PTPRD: variants seen among roughly 807,000 people sequenced by gnomAD.
PTPRD encodes the protein receptor-type tyrosine-protein phosphatase delta.
A neutral mutation model predicts 214.5 loss-of-function variants in PTPRD; 34 were observed. That is an observed-to-expected ratio of 0.16 (90% CI 0.12 to 0.21). The LOEUF (loss-of-function observed/expected upper bound fraction) is 0.21. Ranked by LOEUF, PTPRD falls within the 10% of genes least tolerant of loss-of-function variation. The pLI, the probability that PTPRD is intolerant of heterozygous loss-of-function variation, is 1.00. For synonymous variants in PTPRD, 1,128 were observed against 845.7 expected (o/e 1.33, Z -5.79); for missense variants, 2,545 against 2,398.7 (o/e 1.06, Z -1.27).
In PTPRD at chr9:9,909,574, C is replaced by A. The variant is rs2078592221; in HGVS notation, c.-368+28933G>T. 2.0e-5 allele frequency among the ~76,000 whole-genome samples: 3 copies of A among 151,818 alleles called. No individual in the cohort carries two copies. In the South Asian group the frequency reaches 6.2e-4, roughly 32 times the overall value. On this transcript the variant is annotated intron_variant, in intron 5 of 45. Transcript: ENST00000381196. ...TATTATTAGGCACTATCTTAGACAT[C>A]ACTGTAAAATGTATAAAATATGGGG... is the stretch of plus-strand genomic sequence containing the variant.
intron 8 of PTPRD, among the ~76,000 whole-genome samples, chr9:9,425,693 T>C (rs964501350): frequency 1.3e-5 from 2 of 151,868 alleles, no homozygotes; most frequent in South Asian, 4.1e-4. Flanking sequence ...TTAACAATGA[T>C]GCAGATATAG....
chr9:9,906,307 C>T (rs376639192), intron 5 of PTPRD, among the ~76,000 whole-genome samples: 9 of 151,976 alleles, frequency 5.9e-5, no homozygotes, highest in South Asian at 4.2e-4. Flanking sequence ...CTTTTTTGTA[C>T]GTATGTGATA....
intron 8 of PTPRD, among the ~76,000 whole-genome samples, chr9:9,405,531 G>A (rs564087018): frequency 5.9e-5 from 9 of 152,154 alleles, no homozygotes; most frequent in African/African-American, 2.2e-4. Flanking sequence ...TCTGGGGCAT[G>A]CTTTATAACA....
chr9:8,960,856 G>A (rs2099154896), intron 11 of PTPRD, among the ~76,000 whole-genome samples: 1 of 152,048 alleles, frequency 6.6e-6, no homozygotes, highest in Non-Finnish European at 1.5e-5. Flanking sequence ...ATTAAATGAG[G>A]TAATGGATAA....
intron 2 of PTPRD, among the ~76,000 whole-genome samples, chr9:10,402,095 A>C (rs2098278624): frequency 6.6e-6 from 1 of 151,676 alleles, no homozygotes; most frequent in African/African-American, 2.4e-5. Context: ...AATCAAAAGA[A>C]AAAGGGTATA....
intron 9 of PTPRD, among the ~76,000 whole-genome samples, chr9:9,324,254 G>C (rs541664254): frequency 2.2e-4 from 33 of 152,268 alleles, no homozygotes; most frequent in African/African-American, 7.7e-4. Context: ...AGATCCTTGA[G>C]GAATCGCCAC....
chr9:10,393,305 T>TTGTGTG (rs200121575), intron 2 of PTPRD, among the ~76,000 whole-genome samples: 3 of 150,314 alleles, frequency 2.0e-5, no homozygotes, highest in Non-Finnish European at 4.5e-5. Flanking sequence ...GTGTGTGTGT[T>TTGTGTG]TGTGTGTGTG....
intron 3 of PTPRD, among the ~76,000 whole-genome samples, chr9:10,110,317 T>C (rs1182954452): frequency 6.6e-6 from 1 of 152,194 alleles, no homozygotes; most frequent in East Asian, 1.9e-4. Context: ...TTATTATTGC[T>C]GTCATTCTGT....
At chr9:10,015,961 C>T (rs1423686882) in intron 4 of PTPRD, among the ~76,000 whole-genome samples, 1 of 152,158 alleles carries the variant, frequency 6.6e-6, no homozygotes, top group Non-Finnish European at 1.5e-5. Context: ...AGTTGACTGA[C>T]ACCACACTCT....
At chr9:9,071,601 G>A (rs571681898) in intron 10 of PTPRD, among the ~76,000 whole-genome samples, 2 of 152,208 alleles carry the variant, frequency 1.3e-5, no homozygotes, top group African/African-American at 4.8e-5. Context: ...AGCAAAGGGT[G>A]GGGGCTTTCA....
At chr9:8,508,979 A>G (rs963684340) in intron 21 of PTPRD, among the ~76,000 whole-genome samples, 9 of 151,890 alleles carry the variant, frequency 5.9e-5, no homozygotes, top group African/African-American at 9.7e-5. Context: ...TCAGTGCTTC[A>G]TATTTCTAGT....
intron 3 of PTPRD, among the ~76,000 whole-genome samples, chr9:10,167,843 C>G (rs1013108590): frequency 6.6e-6 from 1 of 151,724 alleles, no homozygotes; most frequent in African/African-American, 2.4e-5. Flanking sequence ...GAAGATAAAG[C>G]CCAAATTCAC....
chr9:9,839,500 A>G (rs4537357), intron 5 of PTPRD, among the ~76,000 whole-genome samples: 125,322 of 151,744 alleles, frequency 0.83, 52,192 homozygotes, highest in East Asian at 0.93. Flanking sequence ...TACAAGGGAC[A>G]TGAAGGACCT....
chr9:9,019,321 A>AAAGAAAGAAAGGAAGG (rs1164468926), intron 10 of PTPRD, among the ~76,000 whole-genome samples: 2 of 87,708 alleles, frequency 2.3e-5, no homozygotes, highest in Non-Finnish European at 4.8e-5. Flanking sequence ...AGAAAGAAAG[A>AAAGAAAGAAAGGAAGG]AAGAAAGAAA....
chr9:8,518,906 A>G (rs1441770645), intron 20 of PTPRD, among the ~76,000 whole-genome samples: 2 of 152,194 alleles, frequency 1.3e-5, no homozygotes, highest in African/African-American at 4.8e-5. Flanking sequence ...TTATTATACC[A>G]AAAGCTTGGC....
At chr9:9,973,665 G>A (rs1045096544) in intron 4 of PTPRD, among the ~76,000 whole-genome samples, 1 of 152,140 alleles carries the variant, frequency 6.6e-6, no homozygotes, top group African/African-American at 2.4e-5. Context: ...AGATAGACGA[G>A]TCTAAAGTAA....
Position 8,353,830 on chromosome 9 carries a change from ATGTATATATGTATATATGTATATATG to A in PTPRD, c.4662-11878_4662-11853del, listed in dbSNP as rs1450375117. Among the ~76,000 whole-genome samples the A allele has an allele frequency of 2.3e-3, 65 of 27,668 alleles. 2 individuals carry two copies. The highest frequency in any genetic ancestry group is 6.8e-3 in the South Asian group (8 of 1,184). 18.2% of individuals were successfully genotyped at this position (27,668 alleles called of 152,430 possible). On this transcript the variant is annotated intron_variant, in intron 39 of 45. Coordinates refer to ENST00000381196, the MANE Select transcript of PTPRD (RefSeq NM_002839.4). ...TTCTCAAAAAAAAATATATGTATAT[ATGTATATATGTATATATGTATATATG>A]TGTATATATGTATATATGTATATAT...
chr9:8,978,805 C>T (rs537756155), intron 11 of PTPRD, among the ~76,000 whole-genome samples: 2 of 152,200 alleles, frequency 1.3e-5, no homozygotes, highest in South Asian at 2.1e-4. Context: ...GCTCAGAAAA[C>T]GAAAAGGACC....
chr9:9,537,249 T>C (rs2076713398), intron 8 of PTPRD, among the ~76,000 whole-genome samples: 1 of 151,968 alleles, frequency 6.6e-6, no homozygotes, highest in South Asian at 2.1e-4. Flanking sequence ...TTTTTTTTAT[T>C]TTTATAGAAA....
Sources: allele counts gnomAD v4.1 joint callset (sites outside exome capture counted in the v4.1 genomes callset), GRCh38; gene constraint gnomAD v4.1.1; transcripts MANE v1.5; gene names NCBI Gene and HGNC (gene_info 2026-07-23, HGNC 2026-07-21).